Variants in DERA observed in about 807,000 individuals in gnomAD.
DERA encodes the protein deoxyribose-phosphate aldolase.
Under a neutral mutation model 41.1 loss-of-function variants are expected in DERA, and 15 were observed. The observed-to-expected ratio is 0.37, with a 90% CI of 0.24 to 0.56. The LOEUF (loss-of-function observed/expected upper bound fraction) is 0.56, where lower values mean the gene tolerates loss of function less well. Among genes scored for constraint, DERA ranks in the 20% least tolerant of loss-of-function variants. The probability of loss-of-function intolerance (pLI) is 0.81; values close to 1 mark genes in which losing one functional copy is unlikely to be tolerated. For missense variants in DERA, 396 were observed against 403.4 expected (o/e 0.98, Z 0.16); for synonymous variants, 139 against 137.4 (o/e 1.01, Z -0.08).
In DERA at chr12:15,970,149, G is replaced by A. The variant is rs1460463723; in HGVS notation, c.508+7202G>A. Reference sequence around the variant, plus strand: ...TTTTGTGACTTTTTTAGTTTAAAAGGTTGCTGTACAATTTTATATTAAGTG... The same window carrying A: ...TTTTGTGACTTTTTTAGTTTAAAAGATTGCTGTACAATTTTATATTAAGTG... On this transcript the variant is annotated intron_variant, in intron 5 of 8. Coordinates refer to ENST00000428559, the MANE Select transcript of DERA (RefSeq NM_015954.4). This position sits in a 1 kb window ranked among gnomAD's most constrained non-coding sequence, Gnocchi z 4.3. 6.6e-6 allele frequency among the ~76,000 whole-genome samples: 1 copy of A among 152,100 alleles called. No homozygotes were observed. The highest frequency in any genetic ancestry group is 6.5e-5 in the Admixed American group (1 of 15,268).
At position 16,011,049 on chromosome 12, in the gene DERA, G is replaced by A. The variant is rs934986801; in HGVS notation, c.638-21493G>A. On this transcript the variant is annotated intron_variant, in intron 6 of 8. Coordinates refer to ENST00000428559, the MANE Select transcript of DERA (RefSeq NM_015954.4). This position sits in a 1 kb window ranked among gnomAD's most constrained non-coding sequence, Gnocchi z 4.7. ...TCTAGCTTGCTTTGTTCAGTAAAAT[G>A]TATTTCTAAATCCATTTTAAGCAGC... Among the ~76,000 whole-genome samples, 1 of 152,104 alleles carries A rather than the reference G, an allele frequency of 6.6e-6. No individual in the cohort carries two copies. The highest frequency in any genetic ancestry group is 1.5e-5 in the Non-Finnish European group (1 of 68,012).
rs1948595636 is a variant in DERA at position 15,962,658 on chromosome 12, C to T, written c.374-155C>T. ...ATGCATAAGTGATGTTCTTAAGTGTCAGTGCATTGGTCTTTAAATGCTGAT... is the reference window on the plus strand; with the variant it reads ...ATGCATAAGTGATGTTCTTAAGTGTTAGTGCATTGGTCTTTAAATGCTGAT... On this transcript the variant is annotated intron_variant, in intron 4 of 8. Coordinates refer to ENST00000428559, the MANE Select transcript of DERA (RefSeq NM_015954.4). 44 of 554,720 alleles carry T rather than the reference C, an allele frequency of 7.9e-5. No individual in the cohort carries two copies. The South Asian group carries it at 1.2e-3, about 15-fold the overall frequency. 34.4% of individuals were successfully genotyped at this position (554,720 alleles called of 1,614,324 possible).
intron 1 of DERA, among the ~76,000 whole-genome samples, chr12:15,923,673 G>A (rs1235799772): frequency 6.7e-6 from 1 of 149,838 alleles, no homozygotes; most frequent in Non-Finnish European, 1.5e-5. Context: ...TCATTCCTCT[G>A]CATGGCAGAA....
At chr12:15,974,162 G>A (rs929453583) in intron 5 of DERA, among the ~76,000 whole-genome samples, 3 of 152,128 alleles carry the variant, frequency 2.0e-5, no homozygotes, top group African/African-American at 7.2e-5. Context: ...ACTTCAGTGT[G>A]TATTTCCTAA....
At chr12:15,932,601 G>A (rs1408225800) in intron 1 of DERA, among the ~76,000 whole-genome samples, 2 of 151,694 alleles carry the variant, frequency 1.3e-5, no homozygotes, top group Non-Finnish European at 2.9e-5. Flanking sequence ...CAATGATTGT[G>A]CCATTACACT....
chr12:15,926,570 A>G (rs1164867366), intron 1 of DERA, among the ~76,000 whole-genome samples: 1 of 151,614 alleles, frequency 6.6e-6, no homozygotes, highest in Non-Finnish European at 1.5e-5. Context: ...CAGCGTCTCT[A>G]CTAAAAATAC....
intron 6 of DERA, among the ~76,000 whole-genome samples, chr12:16,028,124 TCC>T (rs1249081902): frequency 6.6e-6 from 1 of 152,200 alleles, no homozygotes; most frequent in African/African-American, 2.4e-5. Context: ...TATAGTGGTT[TCC>T]AATACCATTC....
At chr12:15,960,651 A>AAAAAAAC (rs1948580090) in intron 4 of DERA, among the ~76,000 whole-genome samples, 1 of 151,110 alleles carries the variant, frequency 6.6e-6, no homozygotes, top group African/African-American at 2.4e-5. Context: ...AAAAAAAAAA[A>AAAAAAAC]AAAAAAAAAA....
At chr12:16,016,565 C>T (rs1250922533) in intron 6 of DERA, among the ~76,000 whole-genome samples, 3 of 151,664 alleles carry the variant, frequency 2.0e-5, no homozygotes, top group Admixed American at 2.0e-4. Flanking sequence ...TTTGAGAGGC[C>T]GAGGTGGGCA....
Position 16,020,168 on chromosome 12 carries a change from C to T in DERA, c.638-12374C>T, listed in dbSNP as rs903849385. Among the ~76,000 whole-genome samples, 4 of 152,120 alleles carry T rather than the reference C, an allele frequency of 2.6e-5. No individual in the cohort carries two copies. Among genetic ancestry groups the T allele is most frequent in the Non-Finnish European group, 5.9e-5 (4 of 68,018 alleles). ...TTAAACCTCTTTTCTTTATAAATTA[C>T]CCAATGTATTAGTCCACAGGCTGTG... On this transcript the variant is annotated intron_variant, in intron 6 of 8. Coordinates refer to ENST00000428559, the MANE Select transcript of DERA (RefSeq NM_015954.4). The surrounding 1 kb of genome is among the most constrained non-coding windows in gnomAD (Gnocchi z 5.5).
At position 15,970,823 on chromosome 12, in the gene DERA, A is replaced by G. The variant is rs1215946257; in HGVS notation, c.508+7876A>G. ...TATTTATCCTTTGGTTTAAATTCAGATTCCATTCCACCAAAGCAACATGAA... is the reference window on the plus strand; with the variant it reads ...TATTTATCCTTTGGTTTAAATTCAGGTTCCATTCCACCAAAGCAACATGAA... On this transcript the variant is annotated intron_variant, in intron 5 of 8. Transcript: ENST00000428559. The surrounding 1 kb of genome is among the most constrained non-coding windows in gnomAD (Gnocchi z 4.3). Among the ~76,000 whole-genome samples the G allele has an allele frequency of 1.3e-5, 2 of 152,232 alleles. No homozygotes were observed. Among genetic ancestry groups the G allele is most frequent in the African/African-American group, 4.8e-5 (2 of 41,452 alleles).
At position 16,035,781 on chromosome 12, in the gene DERA, A is replaced by G. The variant is rs893811344; in HGVS notation, c.751-451A>G. ...GCAGCCTTGCTGATTCTGTCCTTTG[A>G]TTTTAAATGCACGTGTCTTTTGAAC... On this transcript the variant is annotated intron_variant, in intron 7 of 8. Transcript: ENST00000428559. The surrounding 1 kb of genome is among the most constrained non-coding windows in gnomAD (Gnocchi z 4.1). 4.6e-5 allele frequency among the ~76,000 whole-genome samples: 7 copies of G among 152,178 alleles called. No individual in the cohort carries two copies. Among genetic ancestry groups the G allele is most frequent in the African/African-American group, 1.7e-4 (7 of 41,430 alleles).
In DERA at chr12:15,913,779, T is replaced by C. The variant is rs556066922; in HGVS notation, c.31+2365T>C. 6.6e-6 allele frequency among the ~76,000 whole-genome samples: 1 copy of C among 152,346 alleles called. No homozygotes were observed. The highest frequency in any genetic ancestry group is 6.5e-5 in the Admixed American group (1 of 15,304). On this transcript the variant is annotated intron_variant, in intron 1 of 8. Coordinates refer to ENST00000428559, the MANE Select transcript of DERA (RefSeq NM_015954.4). This position sits in a 1 kb window ranked among gnomAD's most constrained non-coding sequence, Gnocchi z 4.5. ...AAAGATGTTTTCCAAATAGGGAATG[T>C]ACCCTCTAGCTTTCATATTAGAGGA...
intron 6 of DERA, among the ~76,000 whole-genome samples, chr12:16,002,518 A>G (rs1278430474): frequency 6.6e-6 from 1 of 152,138 alleles, no homozygotes; most frequent in African/African-American, 2.4e-5. Flanking sequence ...GTAACATACA[A>G]TGTGACATTT....
At chr12:16,006,113 T>C (rs769988875) in intron 6 of DERA, among the ~76,000 whole-genome samples, 63 of 152,198 alleles carry the variant, frequency 4.1e-4, no homozygotes, top group Non-Finnish European at 2.4e-4. Context: ...AACCAGCTAA[T>C]AGATGATGAG....
rs986442286 is a variant in DERA, at chr12:15,960,194, G to A, written c.373+270G>A. ...AAAAAGTCATAAGGCATGACATATA[G>A]TATATATATATATACACACACACAC... is the stretch of plus-strand genomic sequence containing the variant. On this transcript the variant is annotated intron_variant, in intron 4 of 8. Coordinates refer to ENST00000428559, the MANE Select transcript of DERA (RefSeq NM_015954.4). 3.4e-5 allele frequency among the ~76,000 whole-genome samples: 5 copies of A among 148,468 alleles called. No homozygotes were observed. In the Admixed American group the frequency reaches 3.4e-4, roughly 10 times the overall value.
intron 5 of DERA, among the ~76,000 whole-genome samples, chr12:15,978,547 A>T (rs1205256701): frequency 2.6e-5 from 4 of 152,222 alleles, no homozygotes; most frequent in Non-Finnish European, 5.9e-5. Flanking sequence ...AGAGAAATCG[A>T]ATAATTCCTA....
chr12:15,957,015 C>A lies in DERA; in HGVS notation c.111C>A (p.Thr37=). 6.2e-7 allele frequency: 1 copy of A among 1,613,728 alleles called. No individual in the cohort carries two copies. Among genetic ancestry groups the A allele is most frequent in the Non-Finnish European group, 8.5e-7 (1 of 1,179,768 alleles). Residue 37 remains threonine (T), a synonymous_variant, in exon 2 of 9, where the codon ACC becomes ACA. Coordinates refer to ENST00000428559, the MANE Select transcript of DERA (RefSeq NM_015954.4). This position sits in a 1 kb window ranked among gnomAD's most constrained non-coding sequence, Gnocchi z 4.8. ...RRAEQIQARR[T]VKKEWQAAWL... is the part of the protein sequence containing the mutation. ...CGGAACAAATCCAGGCTCGCAGAAC[C>A]GTGAAAAAGGAGTGGCAGGTAAGGG...
At position 15,943,502 on chromosome 12, in the gene DERA, G is replaced by A. The variant is rs1367724530; in HGVS notation, c.32-13434G>A. On this transcript the variant is annotated intron_variant, in intron 1 of 8. Coordinates refer to ENST00000428559, the MANE Select transcript of DERA (RefSeq NM_015954.4). This position sits in a 1 kb window ranked among gnomAD's most constrained non-coding sequence, Gnocchi z 4.5. ...ATCTCACATGGGAAAACCTTTCTGT[G>A]CTGAAAAAAGTTCTCCTTAAGGACC... Among the ~76,000 whole-genome samples, 1 of 152,016 alleles carries A rather than the reference G, an allele frequency of 6.6e-6. No individual in the cohort carries two copies. The highest frequency in any genetic ancestry group is 6.6e-5 in the Admixed American group (1 of 15,256).
Sources: allele counts gnomAD v4.1 joint callset (sites outside exome capture counted in the v4.1 genomes callset), GRCh38; gene constraint gnomAD v4.1.1; non-coding constraint Gnocchi (gnomAD v3.1); transcripts MANE v1.5; gene names NCBI Gene and HGNC (gene_info 2026-07-23, HGNC 2026-07-21).